Variants in MYO18A observed in about 807,000 individuals in gnomAD.
The protein encoded by MYO18A is unconventional myosin-XVIIIa.
Under a neutral mutation model 235.8 loss-of-function variants are expected in MYO18A, and 78 were observed. The ratio of observed to expected loss-of-function variants is 0.33; its 90% CI spans 0.28 to 0.40. MYO18A has a LOEUF of 0.40. Among genes scored for constraint, MYO18A ranks in the 10% least tolerant of loss-of-function variants. MYO18A has a pLI of 1.00. For missense variants in MYO18A, 2,215 were observed against 2,699.3 expected, an observed-to-expected ratio of 0.82 and a Z score of 3.98; for synonymous variants, 977 against 1,077.8, an observed-to-expected ratio of 0.91 and a Z score of 1.83.
At chr17:29,091,144 G>A (rs1258353971) in intron 34 of MYO18A, 1 of 539,310 alleles carries the variant, frequency 1.9e-6, no homozygotes, top group Non-Finnish European at 3.3e-6. Context: ...CAGACCCTGG[G>A]CCTCTGAGCT....
intron 15 of MYO18A, among the ~76,000 whole-genome samples, chr17:29,112,701 C>T (rs1357360693): frequency 6.6e-6 from 1 of 152,244 alleles, no homozygotes; most frequent in Non-Finnish European, 1.5e-5. Flanking sequence ...AGGATGGAAC[C>T]TTCCCCACAC....
intron 33 of MYO18A, 50 bp downstream of exon 33, chr17:29,092,805 A>C: frequency 1.9e-6 from 3 of 1,595,234 alleles, no homozygotes; most frequent in Non-Finnish European, 2.6e-6. Context: ...AAGAGAATGG[A>C]AAGGTAAGCT....
In MYO18A at chr17:29,074,356, C is replaced by T; in HGVS notation, c.*414G>A. On this transcript the variant is annotated 3_prime_UTR_variant, in exon 42 of 42. Transcript: ENST00000527372. This position sits in a 1 kb window ranked among gnomAD's most constrained non-coding sequence, Gnocchi z 4.4. ...CCCACCCCACACGAGAGGGAAGGCA[C>T]TGCTTCTCCTCCCCCAATCCTCCCC... is the stretch of plus-strand genomic sequence containing the variant. 1 of 713,264 alleles carries T rather than the reference C, an allele frequency of 1.4e-6. No homozygotes were observed. The highest frequency in any genetic ancestry group is 2.3e-6 in the Non-Finnish European group (1 of 430,702). The allele number at this position is 713,264 out of a possible 1,614,324, so 44.2% of individuals were successfully genotyped here.
chr17:29,116,537 G>A (rs376475346), intron 10 of MYO18A, 82 bp from the exon 11 acceptor site: 218 of 1,568,654 alleles, frequency 1.4e-4, no homozygotes, highest in East Asian at 1.8e-4. Context: ...TCGCCGCCTC[G>A]GAGGGACCGT....
At chr17:29,079,998 G>A in intron 41 of MYO18A, 1 of 986,072 alleles carries the variant, frequency 1.0e-6, no homozygotes, top group African/African-American at 1.7e-5. Flanking sequence ...TCCGCCTCTT[G>A]TGCTCTGAGG....
At chr17:29,176,887 C>T (rs1001009735) in intron 1 of MYO18A, 3 of 152,090 alleles carry the variant, frequency 2.0e-5, no homozygotes, top group African/African-American at 4.8e-5. Context: ...GCGGCTGGGC[C>T]GGCGCAGCCG....
In MYO18A at chr17:29,158,438, G is replaced by A. The variant is rs1405645176; in HGVS notation, c.999+7504C>T. 2.0e-5 allele frequency among the ~76,000 whole-genome samples: 3 copies of A among 146,672 alleles called. No individual in the cohort carries two copies. Among genetic ancestry groups the A allele is most frequent in the Non-Finnish European group, 4.6e-5 (3 of 65,886 alleles). Reference sequence around the variant, plus strand: ...CAGAAGCTGCTGCCAAACACCATGCGGGACTCTTGAATTGGCTGCCCCCCA... The same window carrying A: ...CAGAAGCTGCTGCCAAACACCATGCAGGACTCTTGAATTGGCTGCCCCCCA... On this transcript the variant is annotated intron_variant, in intron 2 of 41. Coordinates refer to ENST00000527372, the MANE Select transcript of MYO18A (RefSeq NM_078471.4). This position sits in a 1 kb window ranked among gnomAD's most constrained non-coding sequence, Gnocchi z 4.3.
At chr17:29,094,144 T>G in intron 30 of MYO18A, 54 bp from the exon 31 acceptor site, 1 of 1,293,964 alleles carries the variant, frequency 7.7e-7, no homozygotes, top group Non-Finnish European at 1.1e-6. Flanking sequence ...GGCCACCCCC[T>G]TCCCACCTGT....
At chr17:29,160,552 G>A (rs1272462706) in intron 2 of MYO18A, among the ~76,000 whole-genome samples, 1 of 152,192 alleles carries the variant, frequency 6.6e-6, no homozygotes, top group Non-Finnish European at 1.5e-5. Context: ...ACAGTGCCCG[G>A]TCCTTAGGTC....
chr17:29,140,480 G>A lies in MYO18A; in HGVS notation c.1000-18227C>T. On this transcript the variant is annotated intron_variant, in intron 2 of 41. Transcript: ENST00000527372. This position sits in a 1 kb window ranked among gnomAD's most constrained non-coding sequence, Gnocchi z 4.2. ...TCCCCGGCCCCTCCCGTCCCGAGCT[G>A]CCCAGCCCTAGTTGGAGCCAGCAGC... The A allele has an allele frequency of 8.5e-7, 1 of 1,172,220 alleles. No homozygotes were observed. The highest frequency in any genetic ancestry group is 1.1e-6 in the Non-Finnish European group (1 of 924,436). 72.6% of individuals were successfully genotyped at this position (1,172,220 alleles called of 1,614,324 possible).
At position 29,128,012 on chromosome 17, in the gene MYO18A, G is replaced by A. The variant is rs73988919; in HGVS notation, c.1000-5759C>T. The A allele has an allele frequency of 1.6e-3, 1,616 of 1,002,248 alleles. 16 individuals are homozygous for A. In the African/African-American group the frequency reaches 0.027, roughly 16 times the overall value. 62.1% of individuals were successfully genotyped at this position (1,002,248 alleles called of 1,614,324 possible). On this transcript the variant is annotated intron_variant, in intron 2 of 41. Coordinates refer to ENST00000527372, the MANE Select transcript of MYO18A (RefSeq NM_078471.4). ...GGCTGGGGATCCTGCTTTCTCAGGG[G>A]AGTCTGCCCAGTCTGGGGAGCCTGG...
chr17:29,153,622 A>T (rs2152953086), intron 2 of MYO18A, among the ~76,000 whole-genome samples: 1 of 152,272 alleles, frequency 6.6e-6, no homozygotes, highest in South Asian at 2.1e-4. Context: ...CACCTTCGCA[A>T]CCACACACAA....
chr17:29,179,113 C>T (rs1014149202), intron 1 of MYO18A, among the ~76,000 whole-genome samples: 1 of 152,192 alleles, frequency 6.6e-6, no homozygotes, highest in Non-Finnish European at 1.5e-5. Context: ...AAGCCCTAGC[C>T]AGGACAGTCC....
In MYO18A at chr17:29,097,829, C is replaced by A. The variant is rs774237260; in HGVS notation, c.4061G>T (p.Arg1354Leu). ...EMEVMEARLI[R>L]AAEINGEVDD... The stretch of plus-strand genomic sequence containing the variant: ...CACTTCCCCGTTGATCTCCGCTGCC[C>A]GGATGAGACGGGCCTCCATCACCTC... Residue 1354 changes from arginine to leucine, a missense_variant, in exon 26 of 42, where the codon CGG becomes CTG. Arg to Leu is a moderately radical substitution (Grantham distance 102). Transcript: ENST00000527372. 1.2e-6 allele frequency: 2 copies of A among 1,613,690 alleles called. No individual in the cohort carries two copies.
chr17:29,170,896 C>G (rs1054242062), intron 1 of MYO18A, among the ~76,000 whole-genome samples: 2 of 152,116 alleles, frequency 1.3e-5, no homozygotes, highest in African/African-American at 4.8e-5. Context: ...AAAAAAGAAA[C>G]AACTAAAGAT....
In MYO18A at chr17:29,120,593, C is replaced by T. The variant is rs762018537; in HGVS notation, c.1728+23G>A. On this transcript the variant is annotated intron_variant, in intron 7 of 41. Transcript: ENST00000527372. This position sits in a 1 kb window ranked among gnomAD's most constrained non-coding sequence, Gnocchi z 4.2. ...TCATGTGGCCTGTGTCCTACTACCC[C>T]GAGTCCTGGGCAGCACTCTCACCTG... is the stretch of plus-strand genomic sequence containing the variant. The T allele has an allele frequency of 9.3e-6, 15 of 1,607,802 alleles. No homozygotes were observed. Among genetic ancestry groups the T allele is most frequent in the South Asian group, 3.3e-5 (3 of 90,198 alleles).
intron 2 of MYO18A, among the ~76,000 whole-genome samples, chr17:29,136,427 G>C (rs1423183192): frequency 6.6e-6 from 1 of 151,600 alleles, no homozygotes; most frequent in East Asian, 1.9e-4. Context: ...TGGCTCTCTG[G>C]AGCAAGGGTG....
intron 30 of MYO18A, 188 bp downstream of exon 30, chr17:29,094,462 T>C: frequency 6.2e-6 from 4 of 647,490 alleles, no homozygotes; most frequent in South Asian, 5.8e-5. Context: ...TGTGGAAAGT[T>C]CCACGAGCGC....
chr17:29,168,797 A>G (rs67313808), intron 1 of MYO18A, among the ~76,000 whole-genome samples: 28,441 of 152,194 alleles, frequency 0.19, 2,623 homozygotes, highest in East Asian at 0.28. Context: ...AGTGCTGTCC[A>G]TAAGAAATAT....
Sources: gnomAD v4.1 joint callset for allele counts (sites outside exome capture counted in the v4.1 genomes callset) on GRCh38, gnomAD v4.1.1 for gene constraint, Gnocchi (gnomAD v3.1) non-coding constraint, MANE v1.5 for transcripts, NCBI Gene and HGNC (gene_info 2026-07-23, HGNC 2026-07-21) for gene names.